Variants in HS3ST4 observed in about 807,000 individuals in gnomAD.
The protein encoded by HS3ST4 is heparan sulfate-glucosamine 3-sulfotransferase 4.
In HS3ST4, 17 loss-of-function variants were observed where a neutral mutation model predicts 29.2. That is an observed-to-expected ratio of 0.58 (90% CI 0.40 to 0.87). HS3ST4 has a LOEUF of 0.87. Among genes scored for constraint, HS3ST4 ranks in the 40% least tolerant of loss-of-function variants. HS3ST4 has a pLI of 0.00. For synonymous variants in HS3ST4, 314 were observed against 285.7 expected, an observed-to-expected ratio of 1.10 and a Z score of -1.00; for missense variants, 627 against 634.5, an observed-to-expected ratio of 0.99 and a Z score of 0.13.
intron 1 of HS3ST4, among the ~76,000 whole-genome samples, chr16:25,972,820 C>T (rs1175358409): frequency 6.6e-6 from 1 of 152,152 alleles, no homozygotes; most frequent in Non-Finnish European, 1.5e-5. Flanking sequence ...GCCACAGTGG[C>T]TGTGAGGATC....
intron 1 of HS3ST4, among the ~76,000 whole-genome samples, chr16:26,027,383 T>C (rs1457047561): frequency 6.6e-6 from 1 of 152,212 alleles, no homozygotes; most frequent in Non-Finnish European, 1.5e-5. Context: ...CCAGGGATGC[T>C]TCCTCTTCTA....
At chr16:25,763,591 G>C (rs1398326144) in intron 1 of HS3ST4, among the ~76,000 whole-genome samples, 1 of 152,192 alleles carries the variant, frequency 6.6e-6, no homozygotes, top group Non-Finnish European at 1.5e-5. Flanking sequence ...GAAGGAAGAA[G>C]AAGGGTTAGC....
At chr16:25,705,593 G>A (rs191827962) in intron 1 of HS3ST4, among the ~76,000 whole-genome samples, 10 of 152,222 alleles carry the variant, frequency 6.6e-5, no homozygotes, top group African/African-American at 2.4e-4. Flanking sequence ...TGAACCCAGA[G>A]GCGGAGGTTG....
intron 1 of HS3ST4, among the ~76,000 whole-genome samples, chr16:25,887,985 C>T (rs1355359455): frequency 6.6e-6 from 1 of 152,116 alleles, no homozygotes; most frequent in African/African-American, 2.4e-5. Flanking sequence ...GCATGAGCCA[C>T]CGCGCCCGTC....
intron 1 of HS3ST4, among the ~76,000 whole-genome samples, chr16:26,065,626 A>C (rs1898532739): frequency 6.6e-6 from 1 of 152,036 alleles, no homozygotes; most frequent in Non-Finnish European, 1.5e-5. Context: ...AACTCAAAAT[A>C]AAAGCGAAAA....
chr16:25,752,360 G>A (rs1966727662), intron 1 of HS3ST4, among the ~76,000 whole-genome samples: 1 of 152,116 alleles, frequency 6.6e-6, no homozygotes, highest in African/African-American at 2.4e-5. Flanking sequence ...GGACAAGAAA[G>A]GCCATTTTGC....
intron 1 of HS3ST4, among the ~76,000 whole-genome samples, chr16:26,023,963 G>A (rs1969441570): frequency 6.6e-6 from 1 of 152,158 alleles, no homozygotes; most frequent in Non-Finnish European, 1.5e-5. Context: ...GGTGGCTCAC[G>A]CCTGTAATCC....
At chr16:25,787,733 C>T (rs28401507) in intron 1 of HS3ST4, among the ~76,000 whole-genome samples, 15 of 152,040 alleles carry the variant, frequency 9.9e-5, no homozygotes, top group East Asian at 3.9e-4. Context: ...CTTGGACTCT[C>T]GATTTTATGT....
intron 1 of HS3ST4, among the ~76,000 whole-genome samples, chr16:25,701,637 A>G (rs1317625386): frequency 2.0e-5 from 3 of 152,144 alleles, no homozygotes; most frequent in Non-Finnish European, 4.4e-5. Context: ...CTTGTTATTT[A>G]GTTATTAATT....
chr16:25,724,888 A>G (rs914325005), intron 1 of HS3ST4, among the ~76,000 whole-genome samples: 1 of 149,888 alleles, frequency 6.7e-6, no homozygotes, highest in Admixed American at 6.7e-5. Flanking sequence ...ATCTCTAGTC[A>G]TTATGTGAAA....
intron 1 of HS3ST4, among the ~76,000 whole-genome samples, chr16:25,966,549 A>G (rs1050549544): frequency 1.2e-4 from 19 of 152,152 alleles, no homozygotes; most frequent in Admixed American, 1.2e-3. Context: ...AGGTACCATG[A>G]GCTCTTACAG....
Position 25,692,990 on chromosome 16 carries a change from C to T in HS3ST4, c.573C>T (p.Asp191=). 1.2e-6 allele frequency: 2 copies of T among 1,611,506 alleles called. No individual in the cohort carries two copies. The highest frequency in any genetic ancestry group is 1.1e-5 in the South Asian group (1 of 90,876). The change falls in exon 1 of 2, where the codon GAC becomes GAT. Residue 191 remains aspartate (D), a synonymous_variant. Transcript: ENST00000331351. The part of the protein sequence containing the change: ...SERGGAVSTP[D]YGEKKLPQAL... ...GGGGCGGCGCCGTCAGCACCCCCGACTATGGGGAGAAGAAGCTGCCACAGG... is the reference window on the plus strand; with the variant it reads ...GGGGCGGCGCCGTCAGCACCCCCGATTATGGGGAGAAGAAGCTGCCACAGG...
chr16:26,122,179 C>CAAAAAAAAAA (rs200699173), intron 1 of HS3ST4, among the ~76,000 whole-genome samples: 1 of 101,322 alleles, frequency 9.9e-6, no homozygotes, highest in Admixed American at 1.0e-4. Flanking sequence ...ATAAACTAAG[C>CAAAAAAAAAA]AAAAAAAAAA....
chr16:26,119,176 A>T (rs779524612), intron 1 of HS3ST4, among the ~76,000 whole-genome samples: 1 of 152,210 alleles, frequency 6.6e-6, no homozygotes, highest in Non-Finnish European at 1.5e-5. Flanking sequence ...CTAAACATCC[A>T]GGCTCTTAGC....
intron 1 of HS3ST4, among the ~76,000 whole-genome samples, chr16:25,742,265 G>C (rs1314077442): frequency 6.6e-6 from 1 of 152,114 alleles, no homozygotes; most frequent in Non-Finnish European, 1.5e-5. Context: ...TCCCAGAAAT[G>C]GTACGCAGAA....
intron 1 of HS3ST4, among the ~76,000 whole-genome samples, chr16:25,869,762 A>G (rs572187367): frequency 6.6e-6 from 1 of 152,308 alleles, no homozygotes; most frequent in South Asian, 2.1e-4. Flanking sequence ...GACACAGAAT[A>G]ACTTATCCCT....
At chr16:26,117,323 C>T (rs1899214328) in intron 1 of HS3ST4, among the ~76,000 whole-genome samples, 2 of 152,198 alleles carry the variant, frequency 1.3e-5, no homozygotes, top group African/African-American at 4.8e-5. Flanking sequence ...ATAGAATTTC[C>T]AATGAGCTGG....
chr16:25,857,948 C>CTTTCTTTCTTTCTTTCTTTCTTTATTTA (rs1567257164), intron 1 of HS3ST4, among the ~76,000 whole-genome samples: 2 of 57,100 alleles, frequency 3.5e-5, no homozygotes, highest in Non-Finnish European at 6.8e-5. Flanking sequence ...TTCTTTCTTT[C>CTTTCTTTCTTTCTTTCTTTCTTTATTTA]TTTCTTTCTT....
chr16:25,779,467 C>T (rs962572135), intron 1 of HS3ST4, among the ~76,000 whole-genome samples: 1 of 152,160 alleles, frequency 6.6e-6, no homozygotes, highest in Non-Finnish European at 1.5e-5. Flanking sequence ...TCATTTCATT[C>T]GTTTGCTCAT....
Sources: gnomAD v4.1 joint callset for allele counts (sites outside exome capture counted in the v4.1 genomes callset) on GRCh38, gnomAD v4.1.1 for gene constraint, MANE v1.5 for transcripts, NCBI Gene and HGNC (gene_info 2026-07-23, HGNC 2026-07-21) for gene names.